Variants in EPC2 observed in about 807,000 individuals in gnomAD.
EPC2 encodes enhancer of polycomb 2.
In EPC2, 14 loss-of-function variants were observed where a neutral mutation model predicts 92.1. The ratio of observed to expected loss-of-function variants is 0.15; its 90% confidence interval spans 0.10 to 0.24. The LOEUF is 0.24. Among genes scored for constraint, EPC2 ranks in the 10% least tolerant of loss-of-function variants. EPC2 has a pLI of 1.00. For missense variants in EPC2, 755 were observed against 971.5 expected, an observed-to-expected ratio of 0.78 and a Z score of 2.96; for synonymous variants, 340 against 334.7, an observed-to-expected ratio of 1.02 and a Z score of -0.17.
chr2:148,680,770 A>T (rs1379191546), intron 1 of EPC2, among the ~76,000 whole-genome samples: 1 of 152,250 alleles, frequency 6.6e-6, no homozygotes, highest in Non-Finnish European at 1.5e-5. Flanking sequence ...ATTTTCATGA[A>T]TTTGAAGACT....
intron 2 of EPC2, among the ~76,000 whole-genome samples, chr2:148,704,396 A>G (rs1158720374): frequency 6.6e-6 from 1 of 152,112 alleles, no homozygotes; most frequent in East Asian, 1.9e-4. Context: ...ATAGGTACAG[A>G]GTTTTAGTTT....
At chr2:148,765,663 C>T (rs1338469564) in intron 7 of EPC2, among the ~76,000 whole-genome samples, 1 of 152,140 alleles carries the variant, frequency 6.6e-6, no homozygotes, top group Non-Finnish European at 1.5e-5. Context: ...ATAAATATTG[C>T]AACAGCTTTA....
At chr2:148,759,039 A>G (rs1473274035) in intron 4 of EPC2, among the ~76,000 whole-genome samples, 2 of 152,194 alleles carry the variant, frequency 1.3e-5, no homozygotes, top group Non-Finnish European at 2.9e-5. Context: ...ATGACAACCA[A>G]ATGTGGTTTT....
chr2:148,762,007 G>T (rs978756449), intron 5 of EPC2, 77 bp downstream of exon 5: 12 of 1,244,082 alleles, frequency 9.6e-6, no homozygotes, highest in Admixed American at 2.9e-5. Context: ...AGATTTTTAG[G>T]GGGGAACAGG....
At chr2:148,754,564 C>T (rs914890681) in intron 4 of EPC2, among the ~76,000 whole-genome samples, 1 of 152,098 alleles carries the variant, frequency 6.6e-6, no homozygotes, top group Non-Finnish European at 1.5e-5. Context: ...CCTTGTTGCT[C>T]GCTTGAGACT....
intron 10 of EPC2, among the ~76,000 whole-genome samples, chr2:148,772,862 T>C (rs946695480): frequency 2.0e-5 from 3 of 152,178 alleles, no homozygotes; most frequent in African/African-American, 4.8e-5. Flanking sequence ...TTCCAATTTA[T>C]TTAACTAAAT....
Position 148,644,998 on chromosome 2 carries a change from TC to T in EPC2, c.-18del. 2 of 1,544,330 alleles carry T rather than the reference TC, an allele frequency of 1.3e-6. No individual in the cohort carries two copies. The highest frequency in any genetic ancestry group is 1.7e-6 in the Non-Finnish European group (2 of 1,143,726). ...GCCCCGCCGCCGCCGCCCGGGCTGT[TC>T]CTGTAAGGCGGGGAGACAATGAGTA... On this transcript the variant is annotated 5_prime_UTR_variant, in exon 1 of 14. Coordinates refer to ENST00000258484, the MANE Select transcript of EPC2 (RefSeq NM_015630.4).
chr2:148,727,072 T>G (rs1033847371), intron 2 of EPC2, among the ~76,000 whole-genome samples: 1 of 152,172 alleles, frequency 6.6e-6, no homozygotes, highest in African/African-American at 2.4e-5. Context: ...TGTCTTACAT[T>G]TAGGTATTTA....
At chr2:148,676,201 T>TA (rs1197010766) in intron 1 of EPC2, among the ~76,000 whole-genome samples, 3 of 151,958 alleles carry the variant, frequency 2.0e-5, no homozygotes, top group Non-Finnish European at 4.4e-5. Context: ...AAGTAGAAAG[T>TA]GTATAATGTC....
At chr2:148,671,389 G>A (rs759261884) in intron 1 of EPC2, among the ~76,000 whole-genome samples, 5 of 151,214 alleles carry the variant, frequency 3.3e-5, no homozygotes, top group African/African-American at 7.3e-5. Flanking sequence ...CGAGGCAGGC[G>A]GATCACTTGA....
At chr2:148,741,681 C>T (rs1372604125) in intron 2 of EPC2, among the ~76,000 whole-genome samples, 1 of 152,140 alleles carries the variant, frequency 6.6e-6, no homozygotes, top group Non-Finnish European at 1.5e-5. Flanking sequence ...TTATTGATAT[C>T]TCTTTTACTG....
intron 2 of EPC2, among the ~76,000 whole-genome samples, chr2:148,694,650 T>C (rs1681708032): frequency 6.6e-6 from 1 of 152,238 alleles, no homozygotes; most frequent in Non-Finnish European, 1.5e-5. Flanking sequence ...TGTTTACATT[T>C]CAATAGTATC....
intron 3 of EPC2, among the ~76,000 whole-genome samples, chr2:148,747,618 T>G (rs1029576405): frequency 6.6e-6 from 1 of 152,124 alleles, no homozygotes; most frequent in Non-Finnish European, 1.5e-5. Flanking sequence ...TTTACTGAAA[T>G]TGCAGTGTTT....
At chr2:148,674,240 C>A (rs1453809118) in intron 1 of EPC2, among the ~76,000 whole-genome samples, 2 of 152,196 alleles carry the variant, frequency 1.3e-5, no homozygotes, top group Non-Finnish European at 2.9e-5. Context: ...TGTTTGTACT[C>A]TCTTGCTCCC....
At chr2:148,666,379 A>C (rs1279212918) in intron 1 of EPC2, among the ~76,000 whole-genome samples, 2 of 152,166 alleles carry the variant, frequency 1.3e-5, no homozygotes, top group Non-Finnish European at 2.9e-5. Context: ...CTGGAGTTCA[A>C]GTTATCCTCC....
At chr2:148,705,502 CTG>C (rs2105380142) in intron 2 of EPC2, among the ~76,000 whole-genome samples, 1 of 152,296 alleles carries the variant, frequency 6.6e-6, no homozygotes, top group East Asian at 1.9e-4. Flanking sequence ...TGTTTGAGCT[CTG>C]AGAATGGACA....
chr2:148,667,572 A>C (rs1201062603), intron 1 of EPC2, among the ~76,000 whole-genome samples: 1 of 152,108 alleles, frequency 6.6e-6, no homozygotes, highest in African/African-American at 2.4e-5. Context: ...TCTGTGAATA[A>C]AGGCAGTTTT....
intron 10 of EPC2, among the ~76,000 whole-genome samples, chr2:148,775,702 ATCTTTATT>A: frequency 4.8e-5 from 1 of 20,714 alleles, no homozygotes; most frequent in East Asian, 5.6e-4. Flanking sequence ...AAAATTAAAT[ATCTTTATT>A]AAATAAAAAA....
chr2:148,675,427 T>C (rs1466849396), intron 1 of EPC2, among the ~76,000 whole-genome samples: 13 of 152,214 alleles, frequency 8.5e-5, no homozygotes, highest in African/African-American at 1.4e-4. Flanking sequence ...AGTAGAGATA[T>C]AGCTGAATCT....
Sources: gnomAD v4.1 joint callset for allele counts (sites outside exome capture counted in the v4.1 genomes callset) on GRCh38, gnomAD v4.1.1 for gene constraint, MANE v1.5 for transcripts, NCBI Gene and HGNC (gene_info 2026-07-23, HGNC 2026-07-21) for gene names.